The following TEX2 variants were observed in gnomAD, a reference collection of about 807,000 sequenced individuals.
TEX2 encodes testis expressed 2, also known as testis-expressed protein 2.
Under a neutral mutation model 106.9 loss-of-function variants are expected in TEX2, and 53 were observed. The ratio of observed to expected loss-of-function variants is 0.50; its 90% CI spans 0.40 to 0.62. The LOEUF (loss-of-function observed/expected upper bound fraction) is 0.62. Ranked by LOEUF, TEX2 falls within the 20% of genes least tolerant of loss-of-function variation. The pLI, the probability that TEX2 is intolerant of heterozygous loss-of-function variation, is 0.00. For synonymous variants in TEX2, 523 were observed against 534.8 expected (o/e 0.98, Z 0.30); for missense variants, 1,207 against 1,379.0 (o/e 0.88, Z 1.98).
chr17:64,187,371 C>G lies in TEX2; in HGVS notation c.2424+797G>C, dbSNP rs545095631. On this transcript the variant is annotated intron_variant, in intron 5 of 11. Coordinates refer to ENST00000584379, the MANE Select transcript of TEX2 (RefSeq NM_001288732.2). ...CTAGTGATCATCCAGTTGCTCAGGT[C>G]AAAGTGCAAATCTTGGCCTCTGCGT... 5.3e-5 allele frequency among the ~76,000 whole-genome samples: 8 copies of G among 152,262 alleles called. No individual in the cohort carries two copies. In the South Asian group the frequency reaches 1.4e-3, roughly 28 times the overall value.
chr17:64,196,159 T>G (rs144417720), intron 2 of TEX2, among the ~76,000 whole-genome samples: 1 of 152,386 alleles, frequency 6.6e-6, no homozygotes, highest in East Asian at 1.9e-4. Flanking sequence ...AATTCTTTCA[T>G]TCATCCTTTT....
intron 7 of TEX2, among the ~76,000 whole-genome samples, chr17:64,161,626 A>C (rs910432122): frequency 6.6e-6 from 1 of 152,172 alleles, no homozygotes; most frequent in Non-Finnish European, 1.5e-5. Flanking sequence ...TATGCCAATG[A>C]GATCATATCT....
intron 9 of TEX2, among the ~76,000 whole-genome samples, chr17:64,154,028 C>T (rs531664107): frequency 8.9e-4 from 135 of 152,304 alleles, no homozygotes; most frequent in African/African-American, 2.9e-3. Context: ...TACCATGAGA[C>T]TCAGAAGAAA....
intron 8 of TEX2, among the ~76,000 whole-genome samples, chr17:64,157,440 C>A (rs1223835729): frequency 6.6e-6 from 1 of 152,182 alleles, no homozygotes; most frequent in African/African-American, 2.4e-5. Context: ...TAATGACCAC[C>A]ACCTCTGATG....
chr17:64,194,165 T>C (rs1321134159), intron 3 of TEX2, among the ~76,000 whole-genome samples: 1 of 152,212 alleles, frequency 6.6e-6, no homozygotes, highest in Non-Finnish European at 1.5e-5. Flanking sequence ...ACAATAATAA[T>C]GTTTAGCTGC....
intron 1 of TEX2, among the ~76,000 whole-genome samples, chr17:64,235,536 A>G (rs1368810363): frequency 6.6e-6 from 1 of 152,220 alleles, no homozygotes; most frequent in Non-Finnish European, 1.5e-5. Context: ...GGTGCTTTTA[A>G]AAAGTCACAG....
At chr17:64,211,750 T>C (rs1555631578) in intron 2 of TEX2, among the ~76,000 whole-genome samples, 1 of 152,212 alleles carries the variant, frequency 6.6e-6, no homozygotes, top group East Asian at 1.9e-4. Flanking sequence ...TGTACATAAA[T>C]GTGTGTGTGC....
At chr17:64,215,092 T>C (rs1441216599) in intron 1 of TEX2, among the ~76,000 whole-genome samples, 1 of 152,248 alleles carries the variant, frequency 6.6e-6, no homozygotes, top group Non-Finnish European at 1.5e-5. Context: ...AGCTGATTGC[T>C]TCTTTCTGGA....
intron 2 of TEX2, among the ~76,000 whole-genome samples, chr17:64,202,623 A>G (rs1437480388): frequency 6.6e-6 from 1 of 152,198 alleles, no homozygotes; most frequent in Non-Finnish European, 1.5e-5. Context: ...ATAGTGCCCA[A>G]CTATCCACTG....
At position 64,238,573 on chromosome 17, in the gene TEX2, C is replaced by T. The variant is rs183571978; in HGVS notation, c.-25-24331G>A. Among the ~76,000 whole-genome samples the T allele has an allele frequency of 4.1e-4, 62 of 152,306 alleles. No homozygotes were observed. The East Asian group carries it at 8.1e-3, about 20-fold the overall frequency. The stretch of plus-strand genomic sequence containing the variant: ...GGAGGCCTCGGGAAACTTACAATCA[C>T]GGCAGGAGACACCTCTTCACAGGGT... On this transcript the variant is annotated intron_variant, in intron 1 of 11. Coordinates refer to ENST00000584379, the MANE Select transcript of TEX2 (RefSeq NM_001288732.2).
At chr17:64,161,263 G>C (rs2030872109) in intron 7 of TEX2, among the ~76,000 whole-genome samples, 1 of 152,232 alleles carries the variant, frequency 6.6e-6, no homozygotes, top group African/African-American at 2.4e-5. Flanking sequence ...CATATGCCTA[G>C]CGGAAGAAAA....
chr17:64,255,331 C>G (rs534672436), intron 1 of TEX2, among the ~76,000 whole-genome samples: 12 of 152,294 alleles, frequency 7.9e-5, no homozygotes, highest in African/African-American at 2.9e-4. Flanking sequence ...TTCTGAATTT[C>G]AACTACCTAA....
intron 6 of TEX2, among the ~76,000 whole-genome samples, chr17:64,174,006 G>A (rs1022954774): frequency 6.6e-6 from 1 of 151,954 alleles, no homozygotes; most frequent in African/African-American, 2.4e-5. Flanking sequence ...CCACTACCAC[G>A]CTTGGATAAT....
intron 4 of TEX2, among the ~76,000 whole-genome samples, chr17:64,189,079 A>G (rs1201941114): frequency 6.7e-6 from 1 of 149,664 alleles, no homozygotes; most frequent in Non-Finnish European, 1.5e-5. Context: ...GAGCTAATTA[A>G]TTGTTCATCC....
At chr17:64,216,608 C>T (rs1197620348) in intron 1 of TEX2, among the ~76,000 whole-genome samples, 1 of 152,162 alleles carries the variant, frequency 6.6e-6, no homozygotes, top group Non-Finnish European at 1.5e-5. Flanking sequence ...GCCTGGGAAT[C>T]TAAGGGCAAA....
In TEX2 at chr17:64,194,879, A is replaced by T; in HGVS notation, c.1845+16T>A. On this transcript the variant is annotated intron_variant, in intron 3 of 11. Coordinates refer to ENST00000584379, the MANE Select transcript of TEX2 (RefSeq NM_001288732.2). ...TCATTCATCTAAGCTATCCTTCCAA[A>T]ATTGCTCAGGCTCACCTTGCTGTCT... 12 of 1,613,406 alleles carry T rather than the reference A, an allele frequency of 7.4e-6. No individual in the cohort carries two copies. The highest frequency in any genetic ancestry group is 9.3e-6 in the Non-Finnish European group (11 of 1,179,392).
intron 1 of TEX2, among the ~76,000 whole-genome samples, chr17:64,233,950 C>G (rs1194332426): frequency 7.2e-5 from 11 of 152,150 alleles, no homozygotes; most frequent in Admixed American, 2.0e-4. Context: ...GTGGTCCTAA[C>G]CCCCCAACTC....
chr17:64,153,317 A>G lies in TEX2; in HGVS notation c.2931-163T>C, dbSNP rs1487120827. Among the ~76,000 whole-genome samples the G allele has an allele frequency of 6.6e-6, 1 of 152,224 alleles. No homozygotes were observed. Among genetic ancestry groups the G allele is most frequent in the East Asian group, 1.9e-4 (1 of 5,204 alleles). On this transcript the variant is annotated intron_variant, in intron 9 of 11. Transcript: ENST00000584379. This position sits in a 1 kb window ranked among gnomAD's most constrained non-coding sequence, Gnocchi z 4.1. ...GCATCCTGTGCATTGCAGGGTGTTC[A>G]GCAGCATCCCTGGTCTCTACCTACC...
rs369596103 is a variant in TEX2, at chr17:64,208,271, C to T, written c.1644+4303G>A. On this transcript the variant is annotated intron_variant, in intron 2 of 11. Coordinates refer to ENST00000584379, the MANE Select transcript of TEX2 (RefSeq NM_001288732.2). ...TTTGTTTTTTTGAGACAGGGTCACA[C>T]TCTATTGCCCAGGCTGGAGTGCGGT... 7.9e-5 allele frequency among the ~76,000 whole-genome samples: 12 copies of T among 152,288 alleles called. No individual in the cohort carries two copies. The East Asian group carries it at 1.4e-3, about 17-fold the overall frequency.
Sources: gnomAD v4.1 joint callset for allele counts (sites outside exome capture counted in the v4.1 genomes callset) on GRCh38, gnomAD v4.1.1 for gene constraint, Gnocchi (gnomAD v3.1) non-coding constraint, MANE v1.5 for transcripts, NCBI Gene and HGNC (gene_info 2026-07-23, HGNC 2026-07-21) for gene names.